Variants in ARID2 observed in about 807,000 individuals in gnomAD.
ARID2 encodes the protein AT-rich interactive domain-containing protein 2.
Under a neutral mutation model 184.6 loss-of-function variants are expected in ARID2, and 32 were observed. The ratio of observed to expected loss-of-function variants is 0.17; its 90% CI spans 0.13 to 0.23. The LOEUF is 0.23. Among genes scored for constraint, ARID2 ranks in the 10% least tolerant of loss-of-function variants. The probability of loss-of-function intolerance (pLI) is 1.00; values close to 1 mark genes in which losing one functional copy is unlikely to be tolerated. For synonymous variants in ARID2, 836 were observed against 772.6 expected (o/e 1.08, Z -1.36); for missense variants, 1,696 against 2,197.6 (o/e 0.77, Z 4.56).
intron 3 of ARID2, among the ~76,000 whole-genome samples, chr12:45,747,018 C>T (rs1297281243): frequency 6.6e-6 from 1 of 152,226 alleles, no homozygotes; most frequent in Non-Finnish European, 1.5e-5. Flanking sequence ...ATCCGCCCGC[C>T]TCAGCCTCCC....
chr12:45,777,716 A>T (rs1346153818), intron 3 of ARID2, among the ~76,000 whole-genome samples: 1 of 151,266 alleles, frequency 6.6e-6, no homozygotes, highest in Non-Finnish European at 1.5e-5. Context: ...CTTATTATAC[A>T]TTAGCCTTTC....
chr12:45,854,444 C>G (rs527312173), intron 15 of ARID2, among the ~76,000 whole-genome samples: 1 of 152,226 alleles, frequency 6.6e-6, no homozygotes, highest in African/African-American at 2.4e-5. Context: ...AATAATTAAT[C>G]CTGAGTTATT....
At chr12:45,780,384 T>G (rs187379865) in intron 3 of ARID2, among the ~76,000 whole-genome samples, 4 of 152,158 alleles carry the variant, frequency 2.6e-5, no homozygotes, top group Non-Finnish European at 5.9e-5. Flanking sequence ...TGCACTGTTT[T>G]TGTTTTCTGT....
intron 16 of ARID2, among the ~76,000 whole-genome samples, chr12:45,861,767 T>C (rs1943753755): frequency 6.6e-6 from 1 of 151,876 alleles, no homozygotes; most frequent in South Asian, 2.1e-4. Flanking sequence ...GTTTTTTTTT[T>C]CACCACGTTG....
chr12:45,835,676 C>T (rs1166163957), intron 6 of ARID2, among the ~76,000 whole-genome samples: 6 of 151,990 alleles, frequency 3.9e-5, no homozygotes, highest in African/African-American at 9.7e-5. Flanking sequence ...CAGAGGCAGG[C>T]GGATCACAAG....
intron 6 of ARID2, among the ~76,000 whole-genome samples, chr12:45,826,255 A>G (rs975878691): frequency 3.3e-5 from 5 of 152,048 alleles, no homozygotes; most frequent in Admixed American, 6.6e-5. Context: ...AAACAGTTCC[A>G]CTGTAAAGTA....
chr12:45,892,846 CAG>C, intron 18 of ARID2, among the ~76,000 whole-genome samples: 1 of 152,002 alleles, frequency 6.6e-6, no homozygotes, highest in East Asian at 1.9e-4. Context: ...TCATAAATAA[CAG>C]AACTATAGTG....
At chr12:45,760,384 G>T (rs368719283) in intron 3 of ARID2, among the ~76,000 whole-genome samples, 1 of 152,090 alleles carries the variant, frequency 6.6e-6, no homozygotes, top group Non-Finnish European at 1.5e-5. Context: ...TTCAAATTTT[G>T]AGGTTTTTAA....
intron 16 of ARID2, among the ~76,000 whole-genome samples, chr12:45,867,538 C>G (rs188897079): frequency 6.6e-6 from 1 of 150,434 alleles, no homozygotes; most frequent in Non-Finnish European, 1.5e-5. Flanking sequence ...GTCAGGAGAT[C>G]GAGACCATCC....
At chr12:45,790,295 C>A (rs1399744431) in intron 3 of ARID2, among the ~76,000 whole-genome samples, 2 of 151,978 alleles carry the variant, frequency 1.3e-5, no homozygotes, top group African/African-American at 4.8e-5. Flanking sequence ...GTTTCTGTCT[C>A]TTTTATGCCT....
chr12:45,821,372 A>G, intron 5 of ARID2, 48 bp from the exon 6 acceptor site: 2 of 1,173,084 alleles, frequency 1.7e-6, no homozygotes, highest in South Asian at 3.4e-5. Context: ...TAATTGAAAG[A>G]ATTTATTGCA....
At position 45,898,604 on chromosome 12, in the gene ARID2, G is replaced by A. The variant is rs186890448; in HGVS notation, c.5363+4883G>A. 6.0e-3 allele frequency among the ~76,000 whole-genome samples: 907 copies of A among 152,210 alleles called. 6 individuals carry two copies. Among genetic ancestry groups the A allele is most frequent in the Admixed American group, 0.01 (159 of 15,286 alleles). ...ACAATTCCGTGAATATACTAAAAAC[G>A]AGAGAATTTTTGTTTAAATGGGTGG... On this transcript the variant is annotated intron_variant, in intron 20 of 20. Coordinates refer to ENST00000334344, the MANE Select transcript of ARID2 (RefSeq NM_152641.4).
chr12:45,739,346 GTA>G (rs1288176873), intron 3 of ARID2, among the ~76,000 whole-genome samples: 1 of 150,662 alleles, frequency 6.6e-6, no homozygotes, highest in Non-Finnish European at 1.5e-5. Context: ...TCTTATGCAG[GTA>G]TATTCCATGT....
rs71067909 is a variant in ARID2 at position 45,901,154 on chromosome 12, A to ATTTTT, written c.5364-3750_5364-3746dup. 7.1e-4 allele frequency among the ~76,000 whole-genome samples: 32 copies of ATTTTT among 44,958 alleles called. 3 individuals are homozygous for ATTTTT. The highest frequency in any genetic ancestry group is 8.4e-4 in the African/African-American group (6 of 7,158). The allele number at this position is 44,958 out of a possible 152,430, so 29.5% of individuals were successfully genotyped here. A position where few individuals can be genotyped will look rare whatever the true frequency, so the allele number is the denominator to read the frequency against. On this transcript the variant is annotated intron_variant, in intron 20 of 20. Transcript: ENST00000334344. ...AATCTATTTTTTGGAAATTTCCTTAATTTTTTTTTTTTTTTTTTTTTTTTT... is the reference window on the plus strand; with the variant it reads ...AATCTATTTTTTGGAAATTTCCTTAATTTTTTTTTTTTTTTTTTTTTTTTTTTTTT...
chr12:45,884,742 C>T (rs1382108608), intron 16 of ARID2, among the ~76,000 whole-genome samples: 1 of 152,094 alleles, frequency 6.6e-6, no homozygotes, highest in Non-Finnish European at 1.5e-5. Context: ...GAACCCCTTC[C>T]TATATTTGGG....
intron 10 of ARID2, 65 bp downstream of exon 10, chr12:45,837,772 C>A: frequency 7.8e-6 from 11 of 1,403,114 alleles, no homozygotes; most frequent in Non-Finnish European, 1.1e-5. Context: ...TGGTACTGTA[C>A]AAAACCCTCA....
chr12:45,875,349 A>T (rs1592135986), intron 16 of ARID2, among the ~76,000 whole-genome samples: 2 of 152,340 alleles, frequency 1.3e-5, no homozygotes, highest in African/African-American at 4.8e-5. Flanking sequence ...CTGTAAACAA[A>T]TGTGCTATCA....
intron 3 of ARID2, among the ~76,000 whole-genome samples, chr12:45,801,088 G>A (rs765539230): frequency 1.3e-5 from 2 of 152,094 alleles, no homozygotes; most frequent in African/African-American, 4.8e-5. Context: ...TGAGGTGGGC[G>A]GATCACGAGG....
At chr12:45,896,903 AAT>A (rs1235675533) in intron 20 of ARID2, among the ~76,000 whole-genome samples, 1 of 152,216 alleles carries the variant, frequency 6.6e-6, no homozygotes, top group Non-Finnish European at 1.5e-5. Context: ...TAGGAAAATA[AAT>A]ACAGTGATAA....
Sources: gnomAD v4.1 joint callset for allele counts (sites outside exome capture counted in the v4.1 genomes callset) on GRCh38, gnomAD v4.1.1 for gene constraint, MANE v1.5 for transcripts, NCBI Gene and HGNC (gene_info 2026-07-23, HGNC 2026-07-21) for gene names.